PHLDB2: variants seen among roughly 807,000 people sequenced by gnomAD.
The protein encoded by PHLDB2 is pleckstrin homology like domain family B member 2.
A neutral mutation model predicts 123.6 loss-of-function variants in PHLDB2; 71 were observed. The observed-to-expected ratio is 0.57, with a 90% CI of 0.47 to 0.70. The LOEUF is 0.70. Among genes scored for constraint, PHLDB2 ranks in the 30% least tolerant of loss-of-function variants. The probability of loss-of-function intolerance (pLI) is 0.00; values close to 1 mark genes in which losing one functional copy is unlikely to be tolerated. For synonymous variants in PHLDB2, 547 were observed against 541.6 expected (o/e 1.01, Z -0.14); for missense variants, 1,446 against 1,519.5 (o/e 0.95, Z 0.80).
At position 111,976,070 on chromosome 3, in the gene PHLDB2, G is replaced by A. The variant is rs988373622; in HGVS notation, c.*1507G>A. 10 of 152,668 alleles carry A rather than the reference G, an allele frequency of 6.6e-5. No individual in the cohort carries two copies. The highest frequency in any genetic ancestry group is 5.8e-4 in the East Asian group (3 of 5,202). The allele number at this position is 152,668 out of a possible 1,614,324, so 9.5% of individuals were successfully genotyped here. The stretch of plus-strand genomic sequence containing the variant: ...GCAGCGATCACTTTTAAACCCTGTA[G>A]TGATGTAAGACTAAAATATAATTGC... On this transcript the variant is annotated 3_prime_UTR_variant, in exon 18 of 18. Transcript: ENST00000431670.
At chr3:111,758,736 G>A (rs941003737) in intron 1 of PHLDB2, among the ~76,000 whole-genome samples, 20 of 152,084 alleles carry the variant, frequency 1.3e-4, no homozygotes, top group African/African-American at 4.3e-4. Context: ...GTTCCTATTC[G>A]GCCATCTTGG....
chr3:111,736,809 T>A (rs2059516007), intron 1 of PHLDB2, among the ~76,000 whole-genome samples: 1 of 152,154 alleles, frequency 6.6e-6, no homozygotes, highest in Non-Finnish European at 1.5e-5. Context: ...TGTTACTTAA[T>A]AAAATCTTCC....
At chr3:111,908,353 C>CT (rs1243662602) in intron 2 of PHLDB2, among the ~76,000 whole-genome samples, 5 of 152,102 alleles carry the variant, frequency 3.3e-5, no homozygotes, top group African/African-American at 9.7e-5. Context: ...AGTGTTCTGC[C>CT]TGAAATTGCA....
chr3:111,758,014 G>T (rs1221337607), intron 1 of PHLDB2, among the ~76,000 whole-genome samples: 1 of 152,124 alleles, frequency 6.6e-6, no homozygotes. Context: ...TGCCCCTACT[G>T]GGGGGTGCCT....
At chr3:111,909,615 A>G (rs1488350990) in intron 2 of PHLDB2, among the ~76,000 whole-genome samples, 1 of 151,968 alleles carries the variant, frequency 6.6e-6, no homozygotes, top group Non-Finnish European at 1.5e-5. Flanking sequence ...AAAGAAAAAA[A>G]TTTTCATCTT....
At chr3:111,840,223 G>T (rs2063620208) in intron 1 of PHLDB2, among the ~76,000 whole-genome samples, 1 of 151,882 alleles carries the variant, frequency 6.6e-6, no homozygotes, top group East Asian at 1.9e-4. Flanking sequence ...CTGCACTCCA[G>T]CCTGGGTGAC....
intron 1 of PHLDB2, among the ~76,000 whole-genome samples, chr3:111,880,373 G>C (rs889499137): frequency 6.6e-6 from 1 of 152,132 alleles, no homozygotes; most frequent in African/African-American, 2.4e-5. Context: ...TGAGTGGCCA[G>C]AGGCATTGTC....
intron 2 of PHLDB2, chr3:111,911,610 A>G: frequency 1.3e-6 from 2 of 1,535,836 alleles, no homozygotes; most frequent in African/African-American, 1.4e-5. Context: ...TCCTGGATGG[A>G]TAGGGTGCAG....
At chr3:111,757,731 T>C (rs950193622) in intron 1 of PHLDB2, among the ~76,000 whole-genome samples, 3 of 152,194 alleles carry the variant, frequency 2.0e-5, no homozygotes, top group Non-Finnish European at 4.4e-5. Flanking sequence ...TCGATGTTGG[T>C]GATGTACAGA....
chr3:111,966,529 T>G (rs201790249), intron 13 of PHLDB2, 84 bp from the exon 14 acceptor site: 2,389 of 177,452 alleles, frequency 0.013, 2 homozygotes, highest in South Asian at 0.044. Flanking sequence ...GTGTCTGGGG[T>G]GTGTGTGTGT....
rs1369903679 is a variant in PHLDB2, at chr3:111,964,827, GA to G, written c.3078-1779del. On this transcript the variant is annotated intron_variant, in intron 13 of 17. Coordinates refer to ENST00000431670, the MANE Select transcript of PHLDB2 (RefSeq NM_001134438.2). Reference sequence around the variant, plus strand: ...AAATCTAAATAAACATTGACTATATGAAAAAAAGGGATAAATGGGGATTAGG... The same window carrying G: ...AAATCTAAATAAACATTGACTATATGAAAAAAGGGATAAATGGGGATTAGG... Among the ~76,000 whole-genome samples the G allele has an allele frequency of 9.9e-5, 15 of 151,924 alleles. No homozygotes were observed. In the East Asian group the frequency reaches 2.7e-3, roughly 27 times the overall value.
chr3:111,828,690 A>G (rs1281995380), intron 1 of PHLDB2, among the ~76,000 whole-genome samples: 1 of 152,150 alleles, frequency 6.6e-6, no homozygotes, highest in Non-Finnish European at 1.5e-5. Flanking sequence ...TGAATGTGGA[A>G]GAATCATTTG....
chr3:111,834,249 T>TAC (rs2063282763), intron 1 of PHLDB2, among the ~76,000 whole-genome samples: 4 of 123,054 alleles, frequency 3.3e-5, no homozygotes, highest in Non-Finnish European at 6.6e-5. Context: ...AATAGAATTA[T>TAC]ATATATAATT....
rs370444646 is a variant in PHLDB2, at chr3:111,882,580, A to G, written c.-14-1484A>G. On this transcript the variant is annotated intron_variant, in intron 1 of 17. Coordinates refer to ENST00000431670, the MANE Select transcript of PHLDB2 (RefSeq NM_001134438.2). ...TTCATTTTTTTCTTGAGGTACATTT[A>G]AAAAGATAAATTATGTTTGTATCTA... is the stretch of plus-strand genomic sequence containing the variant. Among the ~76,000 whole-genome samples the G allele has an allele frequency of 8.1e-4, 124 of 152,310 alleles. 1 individual carries two copies. In the South Asian group the frequency reaches 0.023, roughly 28 times the overall value.
chr3:111,818,165 G>GGTGTGTGT (rs5851789), intron 1 of PHLDB2, among the ~76,000 whole-genome samples: 6,658 of 147,604 alleles, frequency 0.045, 194 homozygotes, highest in Middle Eastern at 0.1. Flanking sequence ...TTAAAAAACT[G>GGTGTGTGT]GTGTGTGTGT....
At chr3:111,836,725 G>T (rs995475111) in intron 1 of PHLDB2, among the ~76,000 whole-genome samples, 2 of 152,098 alleles carry the variant, frequency 1.3e-5, no homozygotes, top group African/African-American at 4.8e-5. Context: ...AAAGTGAAGG[G>T]GAAGCAAGGC....
chr3:111,918,931 C>T (rs1207770582), intron 3 of PHLDB2, 141 bp from the exon 4 acceptor site: 5 of 831,242 alleles, frequency 6.0e-6, no homozygotes, highest in Admixed American at 2.2e-5. Context: ...GAGCTCCAAG[C>T]GTGCAGTTGC....
chr3:111,966,203 G>A (rs186286038), intron 13 of PHLDB2, among the ~76,000 whole-genome samples: 26 of 152,224 alleles, frequency 1.7e-4, no homozygotes, highest in African/African-American at 5.5e-4. Context: ...AGTCTTGTTG[G>A]TCTGATATCT....
intron 1 of PHLDB2, among the ~76,000 whole-genome samples, chr3:111,762,099 A>G (rs9868898): frequency 0.23 from 34,377 of 152,014 alleles, 4,155 homozygotes; most frequent in African/African-American, 0.28. Flanking sequence ...CGTCTTAGCT[A>G]TTAGTTCATT....
Sources: allele counts gnomAD v4.1 joint callset (sites outside exome capture counted in the v4.1 genomes callset), GRCh38; gene constraint gnomAD v4.1.1; transcripts MANE v1.5; gene names NCBI Gene and HGNC (gene_info 2026-07-23, HGNC 2026-07-21).